Variants in ITGB2 observed in about 807,000 individuals in gnomAD.
ITGB2 encodes the protein integrin beta-2.
In ITGB2, 56 loss-of-function variants were observed where a neutral mutation model predicts 86.8. That is an observed-to-expected ratio of 0.65 (90% confidence interval 0.52 to 0.81). The LOEUF is 0.81. ITGB2 is among the 30% of genes least tolerant of loss of function. The pLI is 0.00. For missense variants in ITGB2, 948 were observed against 1,061.2 expected, an observed-to-expected ratio of 0.89 and a Z score of 1.48; for synonymous variants, 457 against 450.4, an observed-to-expected ratio of 1.01 and a Z score of -0.19.
chr21:44,905,242 G>C (rs112196465), intron 4 of ITGB2, among the ~76,000 whole-genome samples: 3,071 of 152,212 alleles, frequency 0.02, 110 homozygotes, highest in African/African-American at 0.068. Context: ...AGATCCTGCC[G>C]CCCTGCTCTG....
At position 44,889,081 on chromosome 21, in the gene ITGB2, C is replaced by T. The variant is rs931292189; in HGVS notation, c.1878-186G>A. The T allele has an allele frequency of 4.6e-5, 32 of 700,140 alleles. 1 individual carries two copies. Among genetic ancestry groups the T allele is most frequent in the Admixed American group, 2.7e-4 (12 of 43,920 alleles). The allele number at this position is 700,140 out of a possible 1,614,324, so 43.4% of individuals were successfully genotyped here. ...GAACTGGAAGCCTGATCCCAGGGCC[C>T]GCGGCAGGTGCGCACAGGAGGGAGG... On this transcript the variant is annotated intron_variant, in intron 13 of 15. Coordinates refer to ENST00000652462, the MANE Select transcript of ITGB2 (RefSeq NM_000211.5).
Position 44,898,940 on chromosome 21 carries a change from T to C in ITGB2, c.993+127A>G, listed in dbSNP as rs1050308081. On this transcript the variant is annotated intron_variant, in intron 8 of 15. Transcript: ENST00000652462. ...TCCTCACCTAGGGGGATCCAGGACC[T>C]GGGCCGGCTGGTTGCTCACGTGCCC... The C allele has an allele frequency of 9.5e-5, 75 of 788,150 alleles. No individual in the cohort carries two copies. The East Asian group carries it at 2.0e-3, about 21-fold the overall frequency. The allele number at this position is 788,150 out of a possible 1,614,324, so 48.8% of individuals were successfully genotyped here. A position where few individuals can be genotyped will look rare whatever the true frequency, so the allele number is the denominator to read the frequency against.
intron 1 of ITGB2, among the ~76,000 whole-genome samples, chr21:44,915,455 C>T (rs2838736): frequency 0.36 from 54,775 of 151,984 alleles, 10,839 homozygotes; most frequent in Admixed American, 0.52. Context: ...TTGCGCTGTC[C>T]TAGAGGAGAG....
chr21:44,902,343 ATG>A lies in ITGB2; in HGVS notation c.500-612_500-611del, dbSNP rs5844206. Among the ~76,000 whole-genome samples, 929 of 152,110 alleles carry A rather than the reference ATG, an allele frequency of 6.1e-3. 9 individuals carry two copies. Among genetic ancestry groups the A allele is most frequent in the African/African-American group, 0.021 (875 of 41,468 alleles). On this transcript the variant is annotated intron_variant, in intron 5 of 15. Coordinates refer to ENST00000652462, the MANE Select transcript of ITGB2 (RefSeq NM_000211.5). The stretch of plus-strand genomic sequence containing the variant: ...CACATGCAAGTGTGAGCATGCATTC[ATG>A]TGTGTGAGCATGCATTTGTGTGTGA...
At chr21:44,891,251 G>A (rs28675066) in intron 11 of ITGB2, among the ~76,000 whole-genome samples, 1 of 152,152 alleles carries the variant, frequency 6.6e-6, no homozygotes, top group African/African-American at 2.4e-5. Flanking sequence ...CCCTGAGGTG[G>A]GGTGCCCACG....
chr21:44,900,539 C>T, intron 6 of ITGB2, 64 bp from the exon 7 acceptor site: 9 of 1,599,022 alleles, frequency 5.6e-6, no homozygotes, highest in Non-Finnish European at 7.7e-6. Flanking sequence ...CCCTCTGGAG[C>T]AGAGGAGACG....
intron 9 of ITGB2, 141 bp downstream of exon 9, chr21:44,894,830 G>A: frequency 1.4e-6 from 1 of 712,156 alleles, no homozygotes; most frequent in East Asian, 2.7e-5. Context: ...CTGAGGGCAG[G>A]TCGGGAGGCT....
chr21:44,889,550 G>A (rs952818641), intron 12 of ITGB2, 55 bp from the exon 13 acceptor site: 46 of 1,467,864 alleles, frequency 3.1e-5, no homozygotes, highest in South Asian at 7.3e-5. Context: ...ACCGAGACCC[G>A]CCCGAAACCC....
At chr21:44,921,291 G>A (rs2084300127), upstream of ITGB2, 1 of 152,306 alleles carries the variant, frequency 6.6e-6, no homozygotes, top group South Asian at 2.1e-4. Context: ...CTGAGCCAGA[G>A]AATGGAGCGG....
rs759837189 is a variant in ITGB2 at position 44,891,854 on chromosome 21, C to T, written c.1367G>A (p.Arg456His). ...GAAGCCCTTGCCATGGCAGAGGCTG[C>T]GGTCTCTGCTCTGGTCCCGGCACCG... ...ECRCRDQSRD[R>H]SLCHGKGFLE... The change falls in exon 11 of 16, where the codon CGC becomes CAC. Residue 456 changes from arginine (R) to histidine (H), a missense_variant. Arg to His is a conservative substitution (Grantham distance 29). Transcript: ENST00000652462. The T allele has an allele frequency of 4.9e-5, 79 of 1,610,980 alleles. No individual in the cohort carries two copies. The highest frequency in any genetic ancestry group is 2.7e-4 in the East Asian group (12 of 44,896).
intron 11 of ITGB2, among the ~76,000 whole-genome samples, chr21:44,890,591 C>T (rs182457069): frequency 7.2e-5 from 11 of 152,220 alleles, no homozygotes; most frequent in East Asian, 5.8e-4. Flanking sequence ...AGTGGGGACT[C>T]GGCACTGCCT....
intron 1 of ITGB2, among the ~76,000 whole-genome samples, chr21:44,913,992 C>A (rs1044881657): frequency 2.0e-5 from 3 of 152,050 alleles, no homozygotes; most frequent in Non-Finnish European, 2.9e-5. Context: ...GCACAGACAC[C>A]CCCCACCCCA....
chr21:44,902,393 G>A (rs8127938), intron 5 of ITGB2, among the ~76,000 whole-genome samples: 13 of 151,474 alleles, frequency 8.6e-5, no homozygotes, highest in Admixed American at 2.6e-4. Flanking sequence ...GTGTGTGAGC[G>A]TGCATTTGTG....
At chr21:44,923,971 G>C (rs556648201), upstream of ITGB2, among the ~76,000 whole-genome samples, 4 of 152,150 alleles carry the variant, frequency 2.6e-5, no homozygotes, top group East Asian at 1.9e-4. Flanking sequence ...GCATCAAATG[G>C]ACAAAGGAAG....
chr21:44,907,114 G>C lies in ITGB2; in HGVS notation c.148-19C>G, dbSNP rs973359595. On this transcript the variant is annotated intron_variant, in intron 3 of 15. Transcript: ENST00000652462. ...TGAAGTTCTGGGGAGGGGGAGTCAGGGGTCAGGAGGGGGCCACACTGCGGG... is the reference window on the plus strand; with the variant it reads ...TGAAGTTCTGGGGAGGGGGAGTCAGCGGTCAGGAGGGGGCCACACTGCGGG... 1.3e-6 allele frequency: 2 copies of C among 1,568,830 alleles called. No individual in the cohort carries two copies. Among genetic ancestry groups the C allele is most frequent in the Non-Finnish European group, 8.7e-7 (1 of 1,152,052 alleles).
intron 7 of ITGB2, 131 bp downstream of exon 7, chr21:44,900,189 T>C: frequency 8.0e-7 from 1 of 1,252,282 alleles, no homozygotes; most frequent in Non-Finnish European, 1.1e-6. Flanking sequence ...CACTTGGGGC[T>C]TCCAGAAGTT....
intron 1 of ITGB2, chr21:44,928,592 G>A (rs1252489205): frequency 2.0e-5 from 3 of 152,496 alleles, no homozygotes; most frequent in Admixed American, 6.6e-5. Flanking sequence ...ACTGACCAGA[G>A]AGCAGGGCTC....
chr21:44,900,325 C>T lies in ITGB2; in HGVS notation c.892G>A (p.Glu298Lys), dbSNP rs368371881. 140 of 1,614,180 alleles carry T rather than the reference C, an allele frequency of 8.7e-5. No individual in the cohort carries two copies. Among genetic ancestry groups the T allele is most frequent in the Non-Finnish European group, 9.4e-5 (111 of 1,180,016 alleles). ...TGCCTGGGGTGGGGACTTACGAATT[C>T]GTTGCTCCTCTTGTACAAGTTGTCC... ...LEDNLYKRSN[E>K]FDYPSVGQLA... Residue 298 changes from glutamate to lysine, a missense_variant, in exon 7 of 16, where the codon GAA becomes AAA. Glu to Lys is a moderately conservative substitution (Grantham distance 56). Coordinates refer to ENST00000652462, the MANE Select transcript of ITGB2 (RefSeq NM_000211.5).
intron 5 of ITGB2, among the ~76,000 whole-genome samples, chr21:44,903,144 G>A (rs1568894885): frequency 6.6e-6 from 1 of 152,214 alleles, no homozygotes; most frequent in South Asian, 2.1e-4. Flanking sequence ...GAAGTGGAGG[G>A]CTGGACAATG....
Sources: gnomAD v4.1 joint callset for allele counts (sites outside exome capture counted in the v4.1 genomes callset) on GRCh38, gnomAD v4.1.1 for gene constraint, MANE v1.5 for transcripts, NCBI Gene and HGNC (gene_info 2026-07-23, HGNC 2026-07-21) for gene names.